DNM3: variants seen among roughly 807,000 people sequenced by gnomAD.
DNM3 encodes dynamin-3.
In DNM3, 47 loss-of-function variants were observed where a neutral mutation model predicts 101.6. The ratio of observed to expected loss-of-function variants is 0.46; its 90% confidence interval spans 0.37 to 0.59. The LOEUF (loss-of-function observed/expected upper bound fraction) is 0.59. Ranked by LOEUF, DNM3 falls within the 20% of genes least tolerant of loss-of-function variation. The pLI is 0.00. For missense variants in DNM3, 849 were observed against 1,085.7 expected (o/e 0.78, Z 3.06); for synonymous variants, 385 against 387.9 (o/e 0.99, Z 0.09).
At chr1:172,164,388 A>G (rs544593347) in intron 14 of DNM3, among the ~76,000 whole-genome samples, 1 of 152,018 alleles carries the variant, frequency 6.6e-6, no homozygotes, top group South Asian at 2.1e-4. Context: ...GACTACAGCA[A>G]TCACTTCCCC....
chr1:172,409,528 C>CA lies in DNM3; in HGVS notation c.*1688dup. The CA allele has an allele frequency of 2.2e-5, 22 of 984,066 alleles. No individual in the cohort carries two copies. Among genetic ancestry groups the CA allele is most frequent in the Non-Finnish European group, 2.5e-5 (21 of 828,770 alleles). The allele number at this position is 984,066 out of a possible 1,614,324, so 61.0% of individuals were successfully genotyped here. ...AGGTCATTTCAACTTTTAAGGTTAC[C>CA]AGTGATTGTATAAAAACATCACAAT... On this transcript the variant is annotated 3_prime_UTR_variant, in exon 21 of 21. Transcript: ENST00000627582.
At chr1:172,340,559 T>G (rs1214275647) in intron 17 of DNM3, among the ~76,000 whole-genome samples, 1 of 152,192 alleles carries the variant, frequency 6.6e-6, no homozygotes, top group Admixed American at 6.5e-5. Flanking sequence ...CTATGAACTT[T>G]ACGATCTTCA....
chr1:172,010,682 T>TTGTG (rs59701730), intron 4 of DNM3, among the ~76,000 whole-genome samples: 312 of 112,744 alleles, frequency 2.8e-3, no homozygotes, highest in Middle Eastern at 0.014. Context: ...TTGGTATGTT[T>TTGTG]TGTGTGTGTG....
intron 2 of DNM3, among the ~76,000 whole-genome samples, chr1:171,937,712 G>A (rs2041536255): frequency 6.6e-6 from 1 of 152,102 alleles, no homozygotes; most frequent in Non-Finnish European, 1.5e-5. Context: ...TGGGACCACA[G>A]GGGTGTGCCA....
chr1:172,088,398 C>G (rs2053678375), intron 12 of DNM3, among the ~76,000 whole-genome samples: 1 of 152,120 alleles, frequency 6.6e-6, no homozygotes, highest in African/African-American at 2.4e-5. Flanking sequence ...TGAGTCAATA[C>G]TATGCATTTC....
At chr1:172,315,715 C>T (rs1027924847) in intron 16 of DNM3, among the ~76,000 whole-genome samples, 8 of 152,210 alleles carry the variant, frequency 5.3e-5, no homozygotes, top group Admixed American at 5.2e-4. Flanking sequence ...ACGAACAAAG[C>T]CTCCAAGAAA....
intron 2 of DNM3, among the ~76,000 whole-genome samples, chr1:171,952,152 C>G (rs1030533942): frequency 1.3e-5 from 2 of 152,122 alleles, no homozygotes; most frequent in Admixed American, 1.3e-4. Context: ...GAAGAGATGG[C>G]AGATGTCTTT....
chr1:172,414,406 A>G (rs971542382), downstream of DNM3, among the ~76,000 whole-genome samples: 5 of 152,234 alleles, frequency 3.3e-5, no homozygotes, highest in Non-Finnish European at 5.9e-5. Flanking sequence ...TTGAGAAATA[A>G]TGACTAAAAA....
At chr1:172,266,144 T>C (rs1191935485) in intron 15 of DNM3, among the ~76,000 whole-genome samples, 1 of 152,202 alleles carries the variant, frequency 6.6e-6, no homozygotes, top group Non-Finnish European at 1.5e-5. Flanking sequence ...CATTGTTGAG[T>C]AGTGGTATAT....
Position 172,000,040 on chromosome 1 carries a change from G to A in DNM3, c.589+10892G>A, listed in dbSNP as rs371444671. ...GGTAATTTGTTATGACAGCCCTAGG[G>A]AATTAATTCAGGTGGTGTCTACAGC... is the stretch of plus-strand genomic sequence containing the variant. On this transcript the variant is annotated intron_variant, in intron 4 of 20. Coordinates refer to ENST00000627582, the MANE Select transcript of DNM3 (RefSeq NM_015569.5). Among the ~76,000 whole-genome samples the A allele has an allele frequency of 4.6e-5, 7 of 152,174 alleles. No individual in the cohort carries two copies. In the South Asian group the frequency reaches 8.3e-4, roughly 18 times the overall value.
chr1:172,301,413 G>C (rs2064444047), intron 15 of DNM3, among the ~76,000 whole-genome samples: 2 of 152,208 alleles, frequency 1.3e-5, no homozygotes, highest in Admixed American at 6.5e-5. Context: ...GAGGTGGAAG[G>C]ATCACTTGAG....
chr1:172,395,550 G>C (rs2069912256), intron 20 of DNM3, among the ~76,000 whole-genome samples: 1 of 152,176 alleles, frequency 6.6e-6, no homozygotes, highest in South Asian at 2.1e-4. Flanking sequence ...AAATGTAAAT[G>C]CTTCATCTTT....
chr1:172,083,555 GT>G (rs1330047714), intron 12 of DNM3, among the ~76,000 whole-genome samples: 1 of 152,280 alleles, frequency 6.6e-6, no homozygotes, highest in Admixed American at 6.5e-5. Flanking sequence ...TAACTTAAAA[GT>G]GAAAAGGATG....
At chr1:172,078,993 A>T (rs1229307762) in intron 11 of DNM3, among the ~76,000 whole-genome samples, 1 of 152,176 alleles carries the variant, frequency 6.6e-6, no homozygotes, top group Non-Finnish European at 1.5e-5. Context: ...ATCCGCTGTT[A>T]GTCTGATGGG....
chr1:172,137,789 C>T (rs2057326562), intron 14 of DNM3: 1 of 152,090 alleles, frequency 6.6e-6, no homozygotes, highest in Non-Finnish European at 1.5e-5. Context: ...CTAATTTTAT[C>T]CATCTTCCCA....
intron 13 of DNM3, among the ~76,000 whole-genome samples, chr1:172,107,088 C>T (rs2055106994): frequency 6.6e-6 from 1 of 150,806 alleles, no homozygotes; most frequent in Admixed American, 6.6e-5. Flanking sequence ...TCTCGATCTC[C>T]TGACCTCATG....
rs557815694 is a variant in DNM3, at chr1:172,110,620, T to C, written c.1545+17745T>C. ...GGGAGACTCTAAAATATATTAAAGC[T>C]GCTTATTAATTTTGGACATTACTTT... is the stretch of plus-strand genomic sequence containing the variant. On this transcript the variant is annotated intron_variant, in intron 13 of 20. Transcript: ENST00000627582. Among the ~76,000 whole-genome samples the C allele has an allele frequency of 6.6e-4, 101 of 152,374 alleles. 1 individual carries two copies. Among genetic ancestry groups the C allele is most frequent in the African/African-American group, 2.1e-3 (89 of 41,586 alleles).
intron 2 of DNM3, among the ~76,000 whole-genome samples, chr1:171,968,450 C>T (rs139004773): frequency 3.2e-4 from 49 of 152,186 alleles, no homozygotes; most frequent in South Asian, 1.2e-3. Context: ...AAGGCAGAAA[C>T]GGAAAACCAA....
At chr1:172,356,596 G>A (rs1291684179) in intron 17 of DNM3, among the ~76,000 whole-genome samples, 1 of 151,252 alleles carries the variant, frequency 6.6e-6, no homozygotes, top group African/African-American at 2.4e-5. Context: ...TATGATTCCA[G>A]GTCATTACCT....
Sources: allele counts gnomAD v4.1 joint callset (sites outside exome capture counted in the v4.1 genomes callset), GRCh38; gene constraint gnomAD v4.1.1; transcripts MANE v1.5; gene names NCBI Gene and HGNC (gene_info 2026-07-23, HGNC 2026-07-21).